The following DSCAM variants were observed in gnomAD, a reference collection of about 807,000 sequenced individuals.
DSCAM encodes the protein cell adhesion molecule DSCAM.
In DSCAM, 47 loss-of-function variants were observed where a neutral mutation model predicts 217.7. The ratio of observed to expected loss-of-function variants is 0.22; its 90% CI spans 0.17 to 0.28. DSCAM has a LOEUF of 0.28. DSCAM is among the 10% of genes least tolerant of loss of function. DSCAM has a pLI of 1.00. For synonymous variants in DSCAM, 1,056 were observed against 1,015.3 expected (o/e 1.04, Z -0.76); for missense variants, 2,080 against 2,618.3 (o/e 0.79, Z 4.49).
intron 1 of DSCAM, among the ~76,000 whole-genome samples, chr21:40,722,942 A>C (rs2090917298): frequency 6.6e-6 from 1 of 152,064 alleles, no homozygotes; most frequent in African/African-American, 2.4e-5. Context: ...CCTAATGATA[A>C]AGTGGTCAAT....
At chr21:40,015,203 C>T (rs2088135400) in intron 32 of DSCAM, among the ~76,000 whole-genome samples, 1 of 152,144 alleles carries the variant, frequency 6.6e-6, no homozygotes, top group African/African-American at 2.4e-5. Context: ...CTAGGCATTT[C>T]CACACGAGTG....
intron 27 of DSCAM, among the ~76,000 whole-genome samples, chr21:40,072,888 G>A (rs572928404): frequency 3.2e-4 from 49 of 152,288 alleles, no homozygotes; most frequent in African/African-American, 1.2e-3. Flanking sequence ...GAAAGGCCAT[G>A]TTCTCTGAGG....
At chr21:40,842,976 A>C (rs1034951707) in intron 1 of DSCAM, among the ~76,000 whole-genome samples, 1 of 152,160 alleles carries the variant, frequency 6.6e-6, no homozygotes, top group African/African-American at 2.4e-5. Context: ...GTGAACCCTG[A>C]GATTATGGAT....
intron 3 of DSCAM, among the ~76,000 whole-genome samples, chr21:40,387,491 G>A (rs968406808): frequency 1.3e-5 from 2 of 152,074 alleles, no homozygotes; most frequent in Admixed American, 1.3e-4. Flanking sequence ...CTGTCTCCAG[G>A]GTCCAGTAGA....
intron 3 of DSCAM, among the ~76,000 whole-genome samples, chr21:40,572,809 A>G (rs1344699365): frequency 1.3e-5 from 2 of 152,236 alleles, no homozygotes; most frequent in Admixed American, 6.5e-5. Flanking sequence ...CACATTCACC[A>G]TGGAAGATTT....
chr21:40,018,494 G>T lies in DSCAM; in HGVS notation c.5687-5108C>A, dbSNP rs562765784. Among the ~76,000 whole-genome samples, 3 of 152,044 alleles carry T rather than the reference G, an allele frequency of 2.0e-5. No homozygotes were observed. The South Asian group carries it at 6.2e-4, about 32-fold the overall frequency. ...TCTTTCTGAGACCCGACTCAATCAC[G>T]AACGCTTGACATATTTGTAATGTGT... On this transcript the variant is annotated intron_variant, in intron 32 of 32. Coordinates refer to ENST00000400454, the MANE Select transcript of DSCAM (RefSeq NM_001389.5).
intron 11 of DSCAM, among the ~76,000 whole-genome samples, chr21:40,275,145 T>C (rs752414407): frequency 2.1e-4 from 31 of 151,206 alleles, no homozygotes; most frequent in South Asian, 6.3e-4. Flanking sequence ...GGTAACAAAG[T>C]GAGACCCTCA....
At chr21:40,230,527 G>A (rs1461094042) in intron 11 of DSCAM, among the ~76,000 whole-genome samples, 1 of 152,024 alleles carries the variant, frequency 6.6e-6, no homozygotes, top group Non-Finnish European at 1.5e-5. Context: ...AGTTTTCTCA[G>A]GTGTAGACTT....
intron 3 of DSCAM, among the ~76,000 whole-genome samples, chr21:40,447,826 C>T (rs575954721): frequency 3.3e-5 from 5 of 152,266 alleles, no homozygotes; most frequent in South Asian, 2.1e-4. Flanking sequence ...AGCAGCATAA[C>T]GAGGAGGAGC....
chr21:40,814,397 C>T (rs1192165984), intron 1 of DSCAM, among the ~76,000 whole-genome samples: 2 of 152,248 alleles, frequency 1.3e-5, no homozygotes, highest in Non-Finnish European at 2.9e-5. Context: ...TGAAGTCCCA[C>T]ACCTTAGCGT....
intron 16 of DSCAM, among the ~76,000 whole-genome samples, chr21:40,146,822 T>G (rs766443303): frequency 3.3e-5 from 5 of 152,360 alleles, no homozygotes; most frequent in Non-Finnish European, 1.5e-5. Flanking sequence ...GCTTTTGCAT[T>G]GATGAGCTAT....
At chr21:40,380,310 T>C (rs895550496) in intron 3 of DSCAM, among the ~76,000 whole-genome samples, 1 of 152,234 alleles carries the variant, frequency 6.6e-6, no homozygotes, top group Admixed American at 6.5e-5. Context: ...AAGAATATAA[T>C]TGTATAATTC....
chr21:40,803,758 G>A (rs911704532), intron 1 of DSCAM, among the ~76,000 whole-genome samples: 2 of 151,994 alleles, frequency 1.3e-5, no homozygotes, highest in Admixed American at 6.5e-5. Context: ...GGAAGGAAAA[G>A]AGGAAGGGAA....
chr21:40,225,298 C>A (rs552874689), intron 11 of DSCAM, among the ~76,000 whole-genome samples: 48 of 152,292 alleles, frequency 3.2e-4, no homozygotes, highest in African/African-American at 1.2e-3. Context: ...CATCATTTCA[C>A]GGCTGCACCT....
intron 3 of DSCAM, among the ~76,000 whole-genome samples, chr21:40,576,138 C>T (rs890210769): frequency 6.6e-6 from 1 of 152,146 alleles, no homozygotes; most frequent in Non-Finnish European, 1.5e-5. Flanking sequence ...CACAAAAAGG[C>T]TTCTACAAAA....
intron 11 of DSCAM, among the ~76,000 whole-genome samples, chr21:40,245,448 TA>T (rs2073210824): frequency 6.6e-6 from 1 of 152,204 alleles, no homozygotes; most frequent in South Asian, 2.1e-4. Context: ...CAGTCCATCA[TA>T]GCTTGCTGGG....
chr21:40,259,525 G>A (rs1460329693), intron 11 of DSCAM, among the ~76,000 whole-genome samples: 1 of 152,112 alleles, frequency 6.6e-6, no homozygotes, highest in Non-Finnish European at 1.5e-5. Flanking sequence ...GGCCACACCT[G>A]TAAAGAGGCG....
chr21:40,337,191 C>G (rs1353175082), intron 8 of DSCAM, among the ~76,000 whole-genome samples: 4 of 152,052 alleles, frequency 2.6e-5, no homozygotes, highest in Admixed American at 2.6e-4. Context: ...CCACAGGAAA[C>G]CTATGCAACT....
chr21:40,486,432 A>G (rs1017024806), intron 3 of DSCAM, among the ~76,000 whole-genome samples: 6 of 152,048 alleles, frequency 3.9e-5, no homozygotes, highest in Admixed American at 3.9e-4. Flanking sequence ...ATGTCAAGTA[A>G]AAGAGGCAGG....
Sources: allele counts gnomAD v4.1 joint callset (sites outside exome capture counted in the v4.1 genomes callset), GRCh38; gene constraint gnomAD v4.1.1; transcripts MANE v1.5; gene names NCBI Gene and HGNC (gene_info 2026-07-23, HGNC 2026-07-21).